The following ACMSD variants were observed in gnomAD, a reference collection of about 807,000 sequenced individuals.
ACMSD encodes aminocarboxymuconate semialdehyde decarboxylase.
In ACMSD, 37 loss-of-function variants were observed where a neutral mutation model predicts 45.9. The observed-to-expected ratio is 0.81, with a 90% CI of 0.62 to 1.06. The LOEUF (loss-of-function observed/expected upper bound fraction) is 1.06, where lower values mean the gene tolerates loss of function less well. Ranked by LOEUF, ACMSD falls within the 50% of genes least tolerant of loss-of-function variation. The pLI is 0.00. For missense variants in ACMSD, 434 were observed against 420.9 expected, an observed-to-expected ratio of 1.03 and a Z score of -0.27; for synonymous variants, 138 against 148.8, an observed-to-expected ratio of 0.93 and a Z score of 0.53.
intron 1 of ACMSD, among the ~76,000 whole-genome samples, chr2:134,843,030 C>T (rs542052302): frequency 6.6e-6 from 1 of 152,246 alleles, no homozygotes; most frequent in South Asian, 2.1e-4. Flanking sequence ...GAAATAAAAC[C>T]TTTTCTTCTA....
intron 1 of ACMSD, 104 bp downstream of exon 1, chr2:134,838,843 G>T (rs943247620): frequency 4.0e-6 from 3 of 750,840 alleles, no homozygotes; most frequent in South Asian, 2.1e-5. Flanking sequence ...CTGCTTTGGT[G>T]GGGGGCGAGG....
rs533486867 is a variant in ACMSD, at chr2:134,870,643, G to A, written c.581-322G>A. ...AGAGGCCAGGAGGCAGAAAACTGGAGGAGCTAGGGTCCAGCTTGGACTTGG... is the reference window on the plus strand; with the variant it reads ...AGAGGCCAGGAGGCAGAAAACTGGAAGAGCTAGGGTCCAGCTTGGACTTGG... On this transcript the variant is annotated intron_variant, in intron 6 of 9. Coordinates refer to ENST00000356140, the MANE Select transcript of ACMSD (RefSeq NM_138326.3). Among the ~76,000 whole-genome samples the A allele has an allele frequency of 9.7e-4, 148 of 152,260 alleles. 3 individuals carry two copies. The South Asian group carries it at 0.021, about 22-fold the overall frequency.
At chr2:134,840,478 T>A (rs1686757110) in intron 1 of ACMSD, among the ~76,000 whole-genome samples, 1 of 152,240 alleles carries the variant, frequency 6.6e-6, no homozygotes, top group Non-Finnish European at 1.5e-5. Flanking sequence ...GGCAATGGTA[T>A]TAGGAGATGC....
intron 2 of ACMSD, among the ~76,000 whole-genome samples, chr2:134,847,443 G>GGTAGAT (rs1553508809): frequency 2.2e-4 from 31 of 142,302 alleles, no homozygotes; most frequent in African/African-American, 8.1e-4. Context: ...TAGATAGATA[G>GGTAGAT]ATAGATATAG....
intron 8 of ACMSD, 42 bp from the exon 9 acceptor site, chr2:134,898,299 T>G (rs752296901): frequency 4.5e-6 from 6 of 1,340,516 alleles, no homozygotes; most frequent in Non-Finnish European, 6.1e-6. Flanking sequence ...GGCTCTTTCA[T>G]GTTTTACAAA....
At chr2:134,901,414 G>C (rs1179224437) in intron 9 of ACMSD, among the ~76,000 whole-genome samples, 1 of 152,106 alleles carries the variant, frequency 6.6e-6, no homozygotes, top group Non-Finnish European at 1.5e-5. Context: ...TAGCAGCTGG[G>C]GGATGGCTAG....
chr2:134,887,701 C>A (rs1689541279), intron 8 of ACMSD, among the ~76,000 whole-genome samples: 1 of 152,054 alleles, frequency 6.6e-6, no homozygotes, highest in South Asian at 2.1e-4. Flanking sequence ...CGTGTGCAGC[C>A]CAGAAATATA....
At chr2:134,875,255 G>A (rs949498951) in intron 8 of ACMSD, among the ~76,000 whole-genome samples, 1 of 152,120 alleles carries the variant, frequency 6.6e-6, no homozygotes, top group Non-Finnish European at 1.5e-5. Flanking sequence ...ACCTCCCAAA[G>A]TGCTGGGATT....
At chr2:134,885,318 T>TATATA (rs1553515597) in intron 8 of ACMSD, among the ~76,000 whole-genome samples, 1 of 98,992 alleles carries the variant, frequency 1.0e-5, no homozygotes, top group Non-Finnish European at 1.8e-5. Context: ...TATATATATA[T>TATATA]AAATATATAT....
chr2:134,844,257 TA>T (rs1191943160), intron 1 of ACMSD: 1 of 152,206 alleles, frequency 6.6e-6, no homozygotes, highest in Non-Finnish European at 1.5e-5. Context: ...TTATATACAT[TA>T]AATGGGAAGA....
In ACMSD at chr2:134,872,459, T is replaced by A; in HGVS notation, c.677-10T>A. The A allele has an allele frequency of 6.2e-7, 1 of 1,614,112 alleles. No homozygotes were observed. Among genetic ancestry groups the A allele is most frequent in the South Asian group, 1.1e-5 (1 of 91,068 alleles). ...AACACTAGCCCCTCAGTAATGGGTT[T>A]TACTTGCAGGTGGTGCCTTCCCCTT... On this transcript the variant is annotated splice_polypyrimidine_tract_variant and intron_variant, in intron 7 of 9. Coordinates refer to ENST00000356140, the MANE Select transcript of ACMSD (RefSeq NM_138326.3).
chr2:134,863,484 T>C lies in ACMSD; in HGVS notation c.339T>C (p.Gly113=), dbSNP rs763722251. ...TGAGCTACCCCAGGAGGTTCGTGGGTCTGGGGACGTTGCCCATGCAGGCCC... is the reference window on the plus strand; with the variant it reads ...TGAGCTACCCCAGGAGGTTCGTGGGCCTGGGGACGTTGCCCATGCAGGCCC... ...TVVSYPRRFV[G]LGTLPMQAPE... The change falls in exon 5 of 10, where the codon GGT becomes GGC. Residue 113 remains glycine, a synonymous_variant. Transcript: ENST00000356140. The C allele has an allele frequency of 2.0e-5, 33 of 1,614,094 alleles. No homozygotes were observed. The highest frequency in any genetic ancestry group is 1.6e-5 in the Non-Finnish European group (19 of 1,180,044).
rs1559064787 is a variant in ACMSD at position 134,885,303 on chromosome 2, T to TG, written c.849+12662_849+12663insG. Among the ~76,000 whole-genome samples the TG allele has an allele frequency of 4.9e-3, 500 of 102,568 alleles. 7 individuals carry two copies. The highest frequency in any genetic ancestry group is 0.019 in the African/African-American group (468 of 24,606). 67.3% of individuals were successfully genotyped at this position (102,568 alleles called of 152,430 possible). A position where few individuals can be genotyped will look rare whatever the true frequency, so the allele number is the denominator to read the frequency against. On this transcript the variant is annotated intron_variant, in intron 8 of 9. Transcript: ENST00000356140. ...TTATATATTATATTTATATATATAT[T>TG]TAAATATATATATATAAATATATAT...
intron 4 of ACMSD, chr2:134,863,097 T>C: frequency 1.1e-6 from 1 of 951,772 alleles, no homozygotes; most frequent in Non-Finnish European, 1.3e-6. Flanking sequence ...CAGTGGCCCA[T>C]GCTCATTCCA....
chr2:134,869,849 T>G (rs778063454), intron 6 of ACMSD, among the ~76,000 whole-genome samples: 3 of 152,194 alleles, frequency 2.0e-5, no homozygotes, highest in Non-Finnish European at 4.4e-5. Context: ...TAACTCTGAC[T>G]GCTATATGGA....
chr2:134,847,449 T>TAGATATAG (rs200146419), intron 2 of ACMSD, among the ~76,000 whole-genome samples: 1 of 128,596 alleles, frequency 7.8e-6, no homozygotes, highest in African/African-American at 2.9e-5. Flanking sequence ...GATAGATAGA[T>TAGATATAG]ATAGATAGAG....
At chr2:134,895,119 CA>C (rs1404305614) in intron 8 of ACMSD, among the ~76,000 whole-genome samples, 1 of 151,504 alleles carries the variant, frequency 6.6e-6, no homozygotes, top group Non-Finnish European at 1.5e-5. Context: ...TCCTGGCTAA[CA>C]CAGTGAAACC....
At chr2:134,891,598 G>C (rs539930225) in intron 8 of ACMSD, among the ~76,000 whole-genome samples, 1 of 152,232 alleles carries the variant, frequency 6.6e-6, no homozygotes, top group East Asian at 1.9e-4. Context: ...TATTGGTGAG[G>C]AAATGCAAAG....
At chr2:134,895,889 T>A (rs1402973709) in intron 8 of ACMSD, among the ~76,000 whole-genome samples, 1 of 151,974 alleles carries the variant, frequency 6.6e-6, no homozygotes, top group Non-Finnish European at 1.5e-5. Flanking sequence ...GGATCCAGAA[T>A]AGCCAAACAA....
Sources: gnomAD v4.1 joint callset for allele counts (sites outside exome capture counted in the v4.1 genomes callset) on GRCh38, gnomAD v4.1.1 for gene constraint, MANE v1.5 for transcripts, NCBI Gene and HGNC (gene_info 2026-07-23, HGNC 2026-07-21) for gene names.